METTL3: variants seen among roughly 807,000 people sequenced by gnomAD.
METTL3 encodes methyltransferase 3, N6-adenosine-methyltransferase complex catalytic subunit.
METTL3 carries 42 observed loss-of-function variants against 64.3 expected under a neutral mutation model. The ratio of observed to expected loss-of-function variants is 0.65; its 90% CI spans 0.51 to 0.84. The LOEUF (loss-of-function observed/expected upper bound fraction) is 0.84. Ranked by LOEUF, METTL3 falls within the 40% of genes least tolerant of loss-of-function variation. The probability of loss-of-function intolerance (pLI) is 0.00; values close to 1 mark genes in which losing one functional copy is unlikely to be tolerated. For missense variants in METTL3, 435 were observed against 722.3 expected, an observed-to-expected ratio of 0.60 and a Z score of 4.56; for synonymous variants, 256 against 263.6, an observed-to-expected ratio of 0.97 and a Z score of 0.28.
chr14:21,498,237 T>C lies in METTL3; in HGVS notation c.*21A>G, dbSNP rs1411323985. On this transcript the variant is annotated 3_prime_UTR_variant, in exon 11 of 11. Transcript: ENST00000298717. ...TTACAGAGCCATGGCTATGGATTCT[T>C]AGCTCTGTAAGGAAGTGCTTCTATA... 3 of 1,386,638 alleles carry C rather than the reference T, an allele frequency of 2.2e-6. No individual in the cohort carries two copies. Among genetic ancestry groups the C allele is most frequent in the East Asian group, 4.6e-5 (2 of 43,796 alleles). The allele number at this position is 1,386,638 out of a possible 1,614,324, so 85.9% of individuals were successfully genotyped here. A position where few individuals can be genotyped will look rare whatever the true frequency, so the allele number is the denominator to read the frequency against.
At chr14:21,498,731 C>T (rs778025374) in intron 10 of METTL3, 29 of 458,014 alleles carry the variant, frequency 6.3e-5, no homozygotes, top group Non-Finnish European at 9.7e-5. Flanking sequence ...TAGATAACTT[C>T]GTAACCACCA....
intron 1 of METTL3, 33 bp downstream of exon 1, chr14:21,511,091 T>A: frequency 1.2e-6 from 2 of 1,608,986 alleles, no homozygotes; most frequent in Non-Finnish European, 1.7e-6. Context: ...TCCTCCCCGG[T>A]TGAGCCTCGG....
chr14:21,500,955 A>C lies in METTL3; in HGVS notation c.1074T>G (p.Ser358Arg). The part of the protein sequence containing the change: ...TPSQELALTQ[S>R]VGGDSSADRL... ...GGTCTGCACTGGAATCACCTCCGACACTCTGTGTAAGAGCAAGCTCCTGGC... is the reference window on the plus strand; with the variant it reads ...GGTCTGCACTGGAATCACCTCCGACCCTCTGTGTAAGAGCAAGCTCCTGGC... Residue 358 changes from serine to arginine, a missense_variant, in exon 5 of 11, where the codon AGT (serine) becomes AGG (arginine). Physicochemically the swap from Ser to Arg is moderately radical, Grantham distance 110 (BLOSUM62 -1). This residue lies in a region of METTL3 where 67 missense variants were observed against 71.5 expected (regional missense o/e 0.94). Coordinates refer to ENST00000298717, the MANE Select transcript of METTL3 (RefSeq NM_019852.5). 3 of 1,613,976 alleles carry C rather than the reference A, an allele frequency of 1.9e-6. No individual in the cohort carries two copies. Among genetic ancestry groups the C allele is most frequent in the Non-Finnish European group, 2.5e-6 (3 of 1,179,998 alleles).
rs1233574618 is a variant in METTL3, at chr14:21,505,367, C to T, written c.101-1486G>A. 2.0e-5 allele frequency among the ~76,000 whole-genome samples: 3 copies of T among 152,308 alleles called. No homozygotes were observed. The East Asian group carries it at 5.8e-4, about 29-fold the overall frequency. ...GTTAACATAAATATTTCAGTCCTTA[C>T]AAGTTGGTATTGACTTTTCTCATTG... On this transcript the variant is annotated intron_variant, in intron 1 of 10. Coordinates refer to ENST00000298717, the MANE Select transcript of METTL3 (RefSeq NM_019852.5).
intron 9 of METTL3, 47 bp from the exon 10 acceptor site, chr14:21,499,184 TTC>T: frequency 6.3e-7 from 1 of 1,580,224 alleles, no homozygotes; most frequent in Non-Finnish European, 8.7e-7. Context: ...AAGATTGCAA[TTC>T]TAGCCCTTTC....
chr14:21,499,622 T>C (rs373137461), intron 7 of METTL3, 22 bp from the exon 8 acceptor site: 2 of 1,607,736 alleles, frequency 1.2e-6, no homozygotes, highest in Non-Finnish European at 1.7e-6. Context: ...AAAAAAGAAC[T>C]AGAATTTTAG....
chr14:21,507,863 A>G (rs528168896), intron 1 of METTL3: 2 of 152,320 alleles, frequency 1.3e-5, no homozygotes, highest in Non-Finnish European at 2.9e-5. Flanking sequence ...TTTAATTTGT[A>G]TGTTTCATCT....
intron 1 of METTL3, among the ~76,000 whole-genome samples, chr14:21,507,330 G>C (rs942812054): frequency 2.6e-5 from 4 of 152,112 alleles, no homozygotes; most frequent in African/African-American, 7.2e-5. Context: ...ACTCAGTTCA[G>C]TAGTCGGTAA....
chr14:21,498,182 A>T lies in METTL3; in HGVS notation c.*76T>A. On this transcript the variant is annotated 3_prime_UTR_variant, in exon 11 of 11. Coordinates refer to ENST00000298717, the MANE Select transcript of METTL3 (RefSeq NM_019852.5). ...GTTTATTTAAATAAAGAAGAAAGCT[A>T]TTGTACAAATATCACTCTTCAGGTT... The T allele has an allele frequency of 1.2e-6, 1 of 819,196 alleles. No homozygotes were observed. Among genetic ancestry groups the T allele is most frequent in the Non-Finnish European group, 2.1e-6 (1 of 478,994 alleles). 50.7% of individuals were successfully genotyped at this position (819,196 alleles called of 1,614,324 possible). A position where few individuals can be genotyped will look rare whatever the true frequency, so the allele number is the denominator to read the frequency against.
At chr14:21,501,692 G>A (rs750528657) in intron 4 of METTL3, 36 bp downstream of exon 4, 1 of 1,613,862 alleles carries the variant, frequency 6.2e-7, no homozygotes, top group Non-Finnish European at 8.5e-7. Flanking sequence ...GGCTGCTTCT[G>A]ACAAACCCAT....
intron 5 of METTL3, 112 bp from the exon 6 acceptor site, chr14:21,500,794 C>A: frequency 1.4e-6 from 2 of 1,416,730 alleles, no homozygotes; most frequent in East Asian, 2.3e-5. Context: ...ATCTATCCCC[C>A]TCCATTCCCA....
intron 5 of METTL3, 52 bp from the exon 6 acceptor site, chr14:21,500,734 G>A (rs3752411): frequency 0.14 from 217,702 of 1,549,270 alleles, 16,493 homozygotes; most frequent in Admixed American, 0.28. Context: ...TGAGATTCAT[G>A]GCCCGAGTCC....
intron 9 of METTL3, 43 bp downstream of exon 9, chr14:21,499,263 C>A: frequency 6.2e-7 from 1 of 1,611,282 alleles, no homozygotes; most frequent in Non-Finnish European, 8.5e-7. Flanking sequence ...ATAACTGATA[C>A]CAACAAAAAT....
At chr14:21,498,507 A>G in intron 10 of METTL3, 138 bp from the exon 11 acceptor site, 3 of 763,000 alleles carry the variant, frequency 3.9e-6, no homozygotes, top group African/African-American at 3.5e-5. Context: ...TAACATTAGA[A>G]TAGTATATGG....
chr14:21,509,989 G>A (rs1161535753), intron 1 of METTL3, among the ~76,000 whole-genome samples: 1 of 152,106 alleles, frequency 6.6e-6, no homozygotes, highest in East Asian at 1.9e-4. Flanking sequence ...TAGCCATAAA[G>A]GCCAAATTCA....
At chr14:21,508,846 A>T (rs1441336252) in intron 1 of METTL3, among the ~76,000 whole-genome samples, 1 of 152,242 alleles carries the variant, frequency 6.6e-6, no homozygotes, top group Non-Finnish European at 1.5e-5. Flanking sequence ...GTGAGCCAAG[A>T]TCGCGCCATT....
chr14:21,502,978 G>T, intron 3 of METTL3, 195 bp downstream of exon 3: 1 of 614,406 alleles, frequency 1.6e-6, no homozygotes, highest in Non-Finnish European at 2.8e-6. Flanking sequence ...CCCACTAGAT[G>T]CCAATAGCAC....
rs774287345 is a variant in METTL3, at chr14:21,503,731, T to C, written c.251A>G (p.His84Arg). 2.5e-6 allele frequency: 4 copies of C among 1,614,108 alleles called. No individual in the cohort carries two copies. The East Asian group carries it at 8.9e-5, about 36-fold the overall frequency. ...TDPELEKKLL[H>R]HLSDLALTLP... Reference sequence around the variant, plus strand: ...TGTTAAGGCCAGATCAGAGAGGTGGTGTAGCAACTTCTTCTCTAACTCAGG... The same window carrying C: ...TGTTAAGGCCAGATCAGAGAGGTGGCGTAGCAACTTCTTCTCTAACTCAGG... Residue 84 changes from histidine to arginine, a missense_variant, in exon 2 of 11, where the codon CAC becomes CGC. Physicochemically the swap from His to Arg is conservative, Grantham distance 29. Transcript: ENST00000298717.
chr14:21,506,788 G>A (rs1220506323), intron 1 of METTL3, among the ~76,000 whole-genome samples: 1 of 152,196 alleles, frequency 6.6e-6, no homozygotes, highest in Non-Finnish European at 1.5e-5. Context: ...TTGGGAGGCT[G>A]AGGATGGAGG....
Sources: allele counts gnomAD v4.1 joint callset (sites outside exome capture counted in the v4.1 genomes callset), GRCh38; gene constraint gnomAD v4.1.1; regional missense constraint gnomAD v4.1.1; transcripts MANE v1.5; gene names NCBI Gene and HGNC (gene_info 2026-07-23, HGNC 2026-07-21).